The following LINGO2 variants were observed in gnomAD, a reference collection of about 807,000 sequenced individuals.
LINGO2 encodes leucine rich repeat and Ig domain containing 2.
A neutral mutation model predicts 30.6 loss-of-function variants in LINGO2; 14 were observed. The observed-to-expected ratio is 0.46, with a 90% CI of 0.30 to 0.72. LINGO2 has a LOEUF of 0.72. Among genes scored for constraint, LINGO2 ranks in the 30% least tolerant of loss-of-function variants. LINGO2 has a pLI of 0.07. For missense variants in LINGO2, 729 were observed against 751.7 expected (o/e 0.97, Z 0.35); for synonymous variants, 317 against 288.5 (o/e 1.10, Z -1.00).
chr9:28,586,108 G>T (rs573662926), intron 1 of LINGO2, among the ~76,000 whole-genome samples: 1 of 152,042 alleles, frequency 6.6e-6, no homozygotes, highest in African/African-American at 2.4e-5. Context: ...TTAGAAAATG[G>T]ATTTAGAATC....
chr9:28,762,946 C>T, the LINGO2 span, among the ~76,000 whole-genome samples: 1,082 of 152,062 alleles, frequency 7.1e-3, 23 homozygotes, highest in African/African-American at 0.025. Context: ...GAGTTTAATT[C>T]CAAATTTTAC....
chr9:28,887,259 G>C, the LINGO2 span, among the ~76,000 whole-genome samples: 1 of 151,942 alleles, frequency 6.6e-6, no homozygotes. Context: ...CTACATGTGG[G>C]AAAAAAATTG....
intron 3 of LINGO2, among the ~76,000 whole-genome samples, chr9:28,355,683 G>C (rs1313418234): frequency 6.6e-6 from 1 of 152,036 alleles, no homozygotes; most frequent in South Asian, 2.1e-4. Flanking sequence ...TGATCAGCAG[G>C]CTCCAGGAGG....
At chr9:27,995,083 A>T (rs1252312608) in intron 5 of LINGO2, among the ~76,000 whole-genome samples, 2 of 152,210 alleles carry the variant, frequency 1.3e-5, no homozygotes, top group Non-Finnish European at 2.9e-5. Context: ...CCACAGAAAT[A>T]CAAAGAATCA....
the LINGO2 span, among the ~76,000 whole-genome samples, chr9:28,939,520 A>C: frequency 1.3e-5 from 2 of 152,156 alleles, no homozygotes; most frequent in African/African-American, 2.4e-5. Context: ...AAAAATACTT[A>C]TTCTTCTAGA....
the LINGO2 span, among the ~76,000 whole-genome samples, chr9:28,745,215 T>C: frequency 6.6e-6 from 1 of 152,054 alleles, no homozygotes; most frequent in Non-Finnish European, 1.5e-5. Context: ...TTCCTATGGG[T>C]TGCCCCTGAG....
At chr9:28,540,233 T>C (rs975399757) in intron 1 of LINGO2, among the ~76,000 whole-genome samples, 2 of 151,854 alleles carry the variant, frequency 1.3e-5, no homozygotes, top group Non-Finnish European at 2.9e-5. Flanking sequence ...TTTTTTTCTT[T>C]GAGACAGGCT....
At chr9:28,446,729 C>A (rs1389834607) in intron 2 of LINGO2, among the ~76,000 whole-genome samples, 1 of 152,156 alleles carries the variant, frequency 6.6e-6, no homozygotes, top group African/African-American at 2.4e-5. Context: ...TACAGAGCAG[C>A]CAGAATGATC....
chr9:28,671,264 T>C (rs1828998577), upstream of LINGO2, among the ~76,000 whole-genome samples: 1 of 151,806 alleles, frequency 6.6e-6, no homozygotes, highest in Non-Finnish European at 1.5e-5. Context: ...TCTCACTCTT[T>C]AGGTGACAAA....
intron 1 of LINGO2, among the ~76,000 whole-genome samples, chr9:28,605,658 T>C (rs560407905): frequency 4.0e-4 from 61 of 152,162 alleles, no homozygotes; most frequent in African/African-American, 9.6e-4. Context: ...CTTCTTCTTC[T>C]TCCTCACAAG....
the LINGO2 span, among the ~76,000 whole-genome samples, chr9:29,109,026 T>C: frequency 1.3e-5 from 2 of 152,228 alleles, no homozygotes; most frequent in Non-Finnish European, 2.9e-5. Flanking sequence ...AATTTTCTAT[T>C]TCAATCTCAT....
chr9:28,107,704 C>T (rs1013168682), intron 4 of LINGO2, among the ~76,000 whole-genome samples: 7 of 152,054 alleles, frequency 4.6e-5, no homozygotes, highest in African/African-American at 1.7e-4. Flanking sequence ...CAAAAAGGGC[C>T]AGTGGTAATT....
chr9:29,191,350 A>T, the LINGO2 span, among the ~76,000 whole-genome samples: 2 of 152,178 alleles, frequency 1.3e-5, no homozygotes, highest in Non-Finnish European at 2.9e-5. Context: ...GCTTCTTTAC[A>T]TTTCAGTTCC....
intron 5 of LINGO2, among the ~76,000 whole-genome samples, chr9:27,990,043 A>G (rs1821316940): frequency 6.6e-6 from 1 of 152,066 alleles, no homozygotes; most frequent in Admixed American, 6.6e-5. Context: ...TATAGTGCAT[A>G]CTAAGCAATC....
At chr9:28,768,985 T>C in the LINGO2 span, among the ~76,000 whole-genome samples, 2 of 152,202 alleles carry the variant, frequency 1.3e-5, no homozygotes, top group African/African-American at 2.4e-5. Flanking sequence ...GATAGAAATA[T>C]TGTAAAATTT....
chr9:29,023,768 A>G, the LINGO2 span, among the ~76,000 whole-genome samples: 2 of 152,294 alleles, frequency 1.3e-5, no homozygotes, highest in African/African-American at 4.8e-5. Flanking sequence ...ATTAAATCTA[A>G]AGGCAAGTAA....
chr9:28,209,454 A>AT (rs1820518399), intron 4 of LINGO2, among the ~76,000 whole-genome samples: 1 of 151,916 alleles, frequency 6.6e-6, no homozygotes, highest in African/African-American at 2.4e-5. Flanking sequence ...TTGTTACACT[A>AT]GGTATAATGG....
At chr9:28,213,685 T>A (rs1003099790) in intron 4 of LINGO2, among the ~76,000 whole-genome samples, 1 of 151,482 alleles carries the variant, frequency 6.6e-6, no homozygotes, top group African/African-American at 2.4e-5. Flanking sequence ...TGGTCACTTA[T>A]GAAATACTTA....
At chr9:29,051,918 T>C in the LINGO2 span, among the ~76,000 whole-genome samples, 1 of 152,296 alleles carries the variant, frequency 6.6e-6, no homozygotes, top group African/African-American at 2.4e-5. Context: ...ATTAAAAGTG[T>C]TCACCTTTAG....
Sources: allele counts gnomAD v4.1 joint callset (sites outside exome capture counted in the v4.1 genomes callset), GRCh38; gene constraint gnomAD v4.1.1; transcripts MANE v1.5; gene names NCBI Gene and HGNC (gene_info 2026-07-23, HGNC 2026-07-21).